The following AP2B1 variants were observed in gnomAD, a reference collection of about 807,000 sequenced individuals.
AP2B1 encodes AP-2 complex subunit beta.
Under a neutral mutation model 102.0 loss-of-function variants are expected in AP2B1, and 23 were observed. That is an observed-to-expected ratio of 0.23 (90% CI 0.16 to 0.32). The LOEUF (loss-of-function observed/expected upper bound fraction) is 0.32. AP2B1 is among the 10% of genes least tolerant of loss of function. AP2B1 has a pLI of 1.00. For synonymous variants in AP2B1, 381 were observed against 421.2 expected, an observed-to-expected ratio of 0.90 and a Z score of 1.17; for missense variants, 541 against 1,157.4, an observed-to-expected ratio of 0.47 and a Z score of 7.73.
intron 18 of AP2B1, among the ~76,000 whole-genome samples, chr17:35,698,624 A>G (rs938960175): frequency 3.3e-5 from 5 of 152,230 alleles, no homozygotes; most frequent in Non-Finnish European, 5.9e-5. Context: ...TCCACAGTTT[A>G]GATGGCTGCA....
At chr17:35,703,753 A>T (rs2076285677) in intron 18 of AP2B1, among the ~76,000 whole-genome samples, 1 of 152,146 alleles carries the variant, frequency 6.6e-6, no homozygotes, top group African/African-American at 2.4e-5. Context: ...GCTGGGTGAT[A>T]AAATAAGCTG....
At chr17:35,643,735 T>G (rs2074849924) in intron 12 of AP2B1, among the ~76,000 whole-genome samples, 1 of 152,194 alleles carries the variant, frequency 6.6e-6, no homozygotes, top group African/African-American at 2.4e-5. Context: ...TAAAATACTA[T>G]CAGTCTGTAG....
intron 9 of AP2B1, among the ~76,000 whole-genome samples, chr17:35,636,103 C>T (rs932543645): frequency 1.5e-4 from 23 of 151,902 alleles, no homozygotes; most frequent in Admixed American, 9.9e-4. Context: ...TCATGAGGAA[C>T]ATCCTTTTGT....
intron 3 of AP2B1, among the ~76,000 whole-genome samples, chr17:35,604,414 G>GT (rs1263572645): frequency 6.6e-6 from 1 of 151,138 alleles, no homozygotes; most frequent in African/African-American, 2.4e-5. Context: ...TGGCTTTTTT[G>GT]TTTTTGTTTT....
chr17:35,673,397 C>T (rs1357539721), intron 16 of AP2B1, among the ~76,000 whole-genome samples: 1 of 152,016 alleles, frequency 6.6e-6, no homozygotes, highest in African/African-American at 2.4e-5. Context: ...CTATGTTAGC[C>T]AGGATGGTCT....
intron 10 of AP2B1, 132 bp downstream of exon 10, chr17:35,636,588 A>C (rs1003085797): frequency 5.4e-6 from 3 of 554,062 alleles, no homozygotes; most frequent in Non-Finnish European, 8.5e-6. Flanking sequence ...CAAAAATCGG[A>C]AACATTAAAA....
intron 18 of AP2B1, among the ~76,000 whole-genome samples, chr17:35,694,524 G>C (rs1222972065): frequency 6.6e-6 from 1 of 150,904 alleles, no homozygotes; most frequent in Non-Finnish European, 1.5e-5. Flanking sequence ...GCCTCCCAAA[G>C]TGCTGGGATT....
rs774320854 is a variant in AP2B1 at position 35,682,844 on chromosome 17, C to G, written c.2454+20C>G. Reference sequence around the variant, plus strand: ...CTCCAGGTCAGAGATTTACTTCACTCAGGTGGTACAAGTTAATATCTTGAC... The same window carrying G: ...CTCCAGGTCAGAGATTTACTTCACTGAGGTGGTACAAGTTAATATCTTGAC... On this transcript the variant is annotated intron_variant, in intron 18 of 21. Transcript: ENST00000610402. The G allele has an allele frequency of 6.2e-7, 1 of 1,600,480 alleles. No homozygotes were observed. Among genetic ancestry groups the G allele is most frequent in the Non-Finnish European group, 8.5e-7 (1 of 1,170,382 alleles).
At chr17:35,645,176 T>C (rs1039674660) in intron 12 of AP2B1, among the ~76,000 whole-genome samples, 4 of 152,138 alleles carry the variant, frequency 2.6e-5, no homozygotes, top group African/African-American at 9.7e-5. Context: ...TAGGATGCAA[T>C]GTGGTCGGCT....
intron 18 of AP2B1, among the ~76,000 whole-genome samples, chr17:35,691,952 T>A (rs2076050701): frequency 6.6e-6 from 1 of 152,248 alleles, no homozygotes; most frequent in Non-Finnish European, 1.5e-5. Flanking sequence ...TGCTAGATTG[T>A]CCTTAGTGAG....
At chr17:35,647,680 A>C (rs1567894549) in intron 12 of AP2B1, among the ~76,000 whole-genome samples, 1 of 152,146 alleles carries the variant, frequency 6.6e-6, no homozygotes, top group Non-Finnish European at 1.5e-5. Context: ...CAATTTAAAC[A>C]ATCTGTGACT....
intron 17 of AP2B1, among the ~76,000 whole-genome samples, chr17:35,675,203 T>A (rs573184932): frequency 6.6e-6 from 1 of 152,320 alleles, no homozygotes; most frequent in African/African-American, 2.4e-5. Context: ...TCAGTGGGTT[T>A]TATTCAGTTT....
Position 35,624,411 on chromosome 17 carries a change from C to A in AP2B1, c.540C>A (p.Ala180=). The A allele has an allele frequency of 6.2e-7, 1 of 1,614,010 alleles. No homozygotes were observed. Among genetic ancestry groups the A allele is most frequent in the Non-Finnish European group, 8.5e-7 (1 of 1,179,962 alleles). The change falls in exon 6 of 22, where the codon GCC becomes GCA. Residue 180 remains alanine, a synonymous_variant. Coordinates refer to ENST00000610402, the MANE Select transcript of AP2B1 (RefSeq NM_001030006.2). ...ADSNPMVVAN[A]VAALSEISES... is the part of the protein sequence containing the mutation. ...TTCTTTTCCAGGTGGTGGCTAATGC[C>A]GTAGCGGCATTATCTGAAATCAGTG...
At chr17:35,710,810 C>G (rs902645954) in intron 20 of AP2B1, among the ~76,000 whole-genome samples, 1 of 152,146 alleles carries the variant, frequency 6.6e-6, no homozygotes, top group Non-Finnish European at 1.5e-5. Context: ...GTGGCTCATA[C>G]CAGTAATCCC....
At chr17:35,675,791 CTT>C (rs2075687856) in intron 17 of AP2B1, among the ~76,000 whole-genome samples, 1 of 151,538 alleles carries the variant, frequency 6.6e-6, no homozygotes, top group African/African-American at 2.4e-5. Context: ...TTTATTGACT[CTT>C]TGTTTATCTT....
chr17:35,596,157 C>G (rs2073264494), intron 2 of AP2B1, among the ~76,000 whole-genome samples: 1 of 152,224 alleles, frequency 6.6e-6, no homozygotes, highest in African/African-American at 2.4e-5. Context: ...GGAATAATTT[C>G]TGTTACATCC....
At chr17:35,652,495 A>G (rs2075112132) in intron 13 of AP2B1, among the ~76,000 whole-genome samples, 1 of 152,200 alleles carries the variant, frequency 6.6e-6, no homozygotes, top group East Asian at 1.9e-4. Context: ...GATATTGCTT[A>G]CTATGCTTAT....
rs574278104 is a variant in AP2B1, at chr17:35,657,701, C to T, written c.1899C>T (p.Asn633=). The part of the protein sequence containing the change: ...SQGDLLGDLL[N]LDLGPPVNVP... ...GTGATCTTCTAGGGGATCTTTTAAACCTTGACCTCGGTCCCCCAGTCAATG... is the reference window on the plus strand; with the variant it reads ...GTGATCTTCTAGGGGATCTTTTAAATCTTGACCTCGGTCCCCCAGTCAATG... The change falls in exon 14 of 22, where the codon AAC becomes AAT. Residue 633 remains asparagine, a synonymous_variant. Transcript: ENST00000610402. 1.1e-4 allele frequency: 182 copies of T among 1,614,170 alleles called. 3 individuals carry two copies. The South Asian group carries it at 1.9e-3, about 17-fold the overall frequency.
At chr17:35,637,209 T>G (rs225267) in intron 10 of AP2B1, among the ~76,000 whole-genome samples, 1 of 152,098 alleles carries the variant, frequency 6.6e-6, no homozygotes, top group Non-Finnish European at 1.5e-5. Flanking sequence ...TTTTTTGAGA[T>G]GGAGTCTCAC....
Sources: gnomAD v4.1 joint callset for allele counts (sites outside exome capture counted in the v4.1 genomes callset) on GRCh38, gnomAD v4.1.1 for gene constraint, MANE v1.5 for transcripts, NCBI Gene and HGNC (gene_info 2026-07-23, HGNC 2026-07-21) for gene names.